The following PDGFD variants were observed in gnomAD, a reference collection of about 807,000 sequenced individuals.
The protein encoded by PDGFD is platelet-derived growth factor D.
PDGFD carries 30 observed loss-of-function variants against 44.7 expected under a neutral mutation model. The ratio of observed to expected loss-of-function variants is 0.67; its 90% CI spans 0.50 to 0.91. The LOEUF (loss-of-function observed/expected upper bound fraction) is 0.91, where lower values mean the gene tolerates loss of function less well. Among genes scored for constraint, PDGFD ranks in the 40% least tolerant of loss-of-function variants. The probability of loss-of-function intolerance (pLI) is 0.00; values close to 1 mark genes in which losing one functional copy is unlikely to be tolerated. For missense variants in PDGFD, 445 were observed against 457.8 expected (o/e 0.97, Z 0.25); for synonymous variants, 173 against 168.4 (o/e 1.03, Z -0.21).
At chr11:103,999,593 C>T (rs181569567) in intron 2 of PDGFD, among the ~76,000 whole-genome samples, 1 of 152,262 alleles carries the variant, frequency 6.6e-6, no homozygotes, top group Admixed American at 6.5e-5. Flanking sequence ...CTGATAGCTT[C>T]CCCAACCATC....
chr11:103,955,081 G>C (rs1429667171), intron 3 of PDGFD, among the ~76,000 whole-genome samples: 1 of 143,330 alleles, frequency 7.0e-6, no homozygotes, highest in Non-Finnish European at 1.5e-5. Context: ...GGAGAATGGC[G>C]TGAACCCGGG....
intron 1 of PDGFD, among the ~76,000 whole-genome samples, chr11:104,160,057 A>G (rs367562083): frequency 2.4e-4 from 36 of 152,212 alleles, no homozygotes; most frequent in African/African-American, 8.4e-4. Flanking sequence ...TAATTTATTG[A>G]CATTGTTCTC....
intron 1 of PDGFD, among the ~76,000 whole-genome samples, chr11:104,060,484 G>T (rs1488217348): frequency 2.0e-5 from 3 of 152,172 alleles, no homozygotes; most frequent in Admixed American, 6.5e-5. Context: ...CAGTGCAGGG[G>T]TTGGGAAGGG....
chr11:104,016,752 G>C (rs772667314), intron 1 of PDGFD, among the ~76,000 whole-genome samples: 1 of 152,166 alleles, frequency 6.6e-6, no homozygotes, highest in Non-Finnish European at 1.5e-5. Context: ...GCCACTGTTC[G>C]AATGAAAACA....
At chr11:104,088,209 T>A (rs7115665) in intron 1 of PDGFD, among the ~76,000 whole-genome samples, 1 of 152,236 alleles carries the variant, frequency 6.6e-6, no homozygotes. Flanking sequence ...TTGTGTATGG[T>A]GGTTGCTGAG....
At chr11:104,037,511 C>T (rs2134395690) in intron 1 of PDGFD, 4 of 1,614,040 alleles carry the variant, frequency 2.5e-6, no homozygotes, top group Non-Finnish European at 2.5e-6. Context: ...ATGAATATAG[C>T]GATAGAAGAG....
chr11:104,109,242 G>C (rs1000698372), intron 1 of PDGFD, among the ~76,000 whole-genome samples: 63 of 151,942 alleles, frequency 4.1e-4, no homozygotes, highest in African/African-American at 1.4e-3. Context: ...GTAGTACAAA[G>C]AACACAAGTG....
At chr11:104,025,516 T>C (rs2134385380) in intron 1 of PDGFD, among the ~76,000 whole-genome samples, 1 of 152,300 alleles carries the variant, frequency 6.6e-6, no homozygotes, top group Non-Finnish European at 1.5e-5. Flanking sequence ...GAGACAAGGA[T>C]GTAGATACAG....
intron 5 of PDGFD, among the ~76,000 whole-genome samples, chr11:103,936,998 G>C (rs1474053599): frequency 6.6e-6 from 1 of 151,668 alleles, no homozygotes; most frequent in Admixed American, 6.6e-5. Context: ...GCTAACTTTT[G>C]TATTTTTTGT....
At chr11:104,032,865 T>C (rs1173260884) in intron 1 of PDGFD, among the ~76,000 whole-genome samples, 1 of 152,006 alleles carries the variant, frequency 6.6e-6, no homozygotes, top group East Asian at 1.9e-4. Context: ...AAAAATTTAA[T>C]TATATTCTTA....
intron 1 of PDGFD, among the ~76,000 whole-genome samples, chr11:104,142,667 G>A (rs1206927439): frequency 6.6e-6 from 1 of 152,164 alleles, no homozygotes; most frequent in Non-Finnish European, 1.5e-5. Context: ...GTGATTGACT[G>A]TGCTATAGAA....
chr11:104,137,584 C>T (rs952170060), intron 1 of PDGFD, among the ~76,000 whole-genome samples: 10 of 152,044 alleles, frequency 6.6e-5, no homozygotes, highest in African/African-American at 1.7e-4. Context: ...TACAATGTTA[C>T]GGTCGAGTTG....
At chr11:104,145,237 A>C (rs1862146188) in intron 1 of PDGFD, among the ~76,000 whole-genome samples, 1 of 152,062 alleles carries the variant, frequency 6.6e-6, no homozygotes, top group South Asian at 2.1e-4. Flanking sequence ...ATCAGGCTAG[A>C]TTTTCTTTTC....
intron 6 of PDGFD, among the ~76,000 whole-genome samples, chr11:103,919,273 C>T (rs1161189972): frequency 6.6e-6 from 1 of 152,122 alleles, no homozygotes; most frequent in Non-Finnish European, 1.5e-5. Context: ...CACCTTGTTG[C>T]CAATAAACGT....
At chr11:104,054,200 C>A (rs190605887) in intron 1 of PDGFD, among the ~76,000 whole-genome samples, 1 of 152,156 alleles carries the variant, frequency 6.6e-6, no homozygotes. Context: ...GCAAAGGAAG[C>A]GAAAAGCTCC....
chr11:104,074,868 G>A (rs1860932529), intron 1 of PDGFD, among the ~76,000 whole-genome samples: 1 of 152,172 alleles, frequency 6.6e-6, no homozygotes, highest in African/African-American at 2.4e-5. Context: ...ATTATGTGGT[G>A]AAACAAAAGT....
At chr11:104,141,268 A>T (rs1459586107) in intron 1 of PDGFD, among the ~76,000 whole-genome samples, 1 of 152,242 alleles carries the variant, frequency 6.6e-6, no homozygotes, top group African/African-American at 2.4e-5. Flanking sequence ...CTCCACAAAA[A>T]AAGATGTCTA....
At chr11:104,002,176 T>G (rs1415057309) in intron 1 of PDGFD, among the ~76,000 whole-genome samples, 1 of 152,190 alleles carries the variant, frequency 6.6e-6, no homozygotes, top group Non-Finnish European at 1.5e-5. Context: ...CTTGATCTTA[T>G]GCTTAAAGAT....
intron 1 of PDGFD, among the ~76,000 whole-genome samples, chr11:104,115,503 C>A (rs372248074): frequency 6.6e-6 from 1 of 151,644 alleles, no homozygotes; most frequent in Non-Finnish European, 1.5e-5. Flanking sequence ...AACATGTGTG[C>A]GCAAGCATCT....
Sources: gnomAD v4.1 joint callset for allele counts (sites outside exome capture counted in the v4.1 genomes callset) on GRCh38, gnomAD v4.1.1 for gene constraint, MANE v1.5 for transcripts, NCBI Gene and HGNC (gene_info 2026-07-23, HGNC 2026-07-21) for gene names.